Variants in AIRE observed in about 807,000 individuals in gnomAD.
The protein encoded by AIRE is autoimmune polyendocrinopathy candidiasis ectodermal dystrophy protein.
A neutral mutation model predicts 62.1 loss-of-function variants in AIRE; 52 were observed. The ratio of observed to expected loss-of-function variants is 0.84; its 90% CI spans 0.67 to 1.06. The LOEUF is 1.06. Among genes scored for constraint, AIRE ranks in the 50% least tolerant of loss-of-function variants. AIRE has a pLI of 0.00. For missense variants in AIRE, 774 were observed against 755.8 expected (o/e 1.02, Z -0.28); for synonymous variants, 342 against 321.6 (o/e 1.06, Z -0.68).
chr21:44,293,696 G>A, intron 10 of AIRE, 93 bp from the exon 11 acceptor site: 1 of 1,570,674 alleles, frequency 6.4e-7, no homozygotes. Context: ...CCAGCCCTGG[G>A]TGGTCCCAGG....
intron 5 of AIRE, 156 bp downstream of exon 5, chr21:44,288,614 G>A (rs1161526152): frequency 1.6e-6 from 1 of 622,376 alleles, no homozygotes; most frequent in East Asian, 2.8e-5. Context: ...GACTTTGGAG[G>A]AGGAGGGTGA....
chr21:44,287,538 C>T lies in AIRE; in HGVS notation c.485C>T (p.Pro162Leu), dbSNP rs138949170. Residue 162 changes from proline (P) to leucine (L), a missense_variant, in exon 4 of 14, where the codon CCC (proline) becomes CTC (leucine). Physicochemically the swap from Pro to Leu is moderately conservative, Grantham distance 98. Around this residue, in one of 3 missense-constraint regions of AIRE, gnomAD observed 385 missense variants for 396.0 expected, o/e 0.97. Transcript: ENST00000291582. The surrounding 1 kb of genome is among the most constrained non-coding windows in gnomAD (Gnocchi z 4.3). ...TCAGGCTCTCAACTGAAGGCCAAGC[C>T]CCCCAAGAAGCCGGAGAGCAGCGCA... ...ASPGSQLKAKPPKKPESSAEQ... is the reference protein window; with the variant it reads ...ASPGSQLKAKLPKKPESSAEQ... 2.0e-4 allele frequency: 315 copies of T among 1,558,190 alleles called. No individual in the cohort carries two copies. Among genetic ancestry groups the T allele is most frequent in the Non-Finnish European group, 2.6e-4 (295 of 1,151,202 alleles).
At chr21:44,294,598 G>T (rs2040586670) in intron 12 of AIRE, 95 bp downstream of exon 12, 3 of 581,464 alleles carry the variant, frequency 5.2e-6, no homozygotes, top group South Asian at 6.5e-5. Context: ...GCAGACCCTG[G>T]GTGCCAGCTT....
At position 44,285,988 on chromosome 21, in the gene AIRE, G is replaced by T. The variant is rs930535770; in HGVS notation, c.-19G>T. ...GACCCACCGCGTCCGCCCCAGCCCC[G>T]GGTCCCCGCGCCCACCCCATGGCGA... On this transcript the variant is annotated 5_prime_UTR_variant, in exon 1 of 14. Transcript: ENST00000291582. 1.3e-6 allele frequency: 2 copies of T among 1,524,436 alleles called. No homozygotes were observed. The highest frequency in any genetic ancestry group is 1.8e-6 in the Non-Finnish European group (2 of 1,140,984). 94.4% of individuals were successfully genotyped at this position (1,524,436 alleles called of 1,614,324 possible). A position where few individuals can be genotyped will look rare whatever the true frequency, so the allele number is the denominator to read the frequency against.
intron 11 of AIRE, 40 bp downstream of exon 11, chr21:44,293,950 C>A: frequency 6.3e-7 from 1 of 1,592,280 alleles, no homozygotes; most frequent in South Asian, 1.1e-5. Flanking sequence ...GAACCCACAC[C>A]CACACCCTAC....
chr21:44,289,522 G>T, intron 5 of AIRE, 135 bp from the exon 6 acceptor site: 1 of 1,279,530 alleles, frequency 7.8e-7, no homozygotes. Context: ...CTCGACTGGG[G>T]TGGGGGCGGG....
Position 44,286,070 on chromosome 21 carries a change from G to A in AIRE, c.64G>A (p.Val22Met), listed in dbSNP as rs773373725. ...RLHRTEIAVA[V>M]DSAFPLLHAL... The stretch of plus-strand genomic sequence containing the variant: ...GCACCGCACGGAGATCGCGGTGGCC[G>A]TGGACAGCGCCTTCCCACTGCTGCA... The change falls in exon 1 of 14, where the codon GTG becomes ATG. Residue 22 changes from valine (V) to methionine (M), a missense_variant. By Grantham distance (21) the Val-to-Met change is conservative (BLOSUM62 1). Coordinates refer to ENST00000291582, the MANE Select transcript of AIRE (RefSeq NM_000383.4). This position sits in a 1 kb window ranked among gnomAD's most constrained non-coding sequence, Gnocchi z 6.0. The A allele has an allele frequency of 1.0e-5, 16 of 1,543,244 alleles. No individual in the cohort carries two copies. The South Asian group carries it at 1.7e-4, about 16-fold the overall frequency.
rs371876095 is a variant in AIRE at position 44,294,435 on chromosome 21, G to C, written c.1435G>C (p.Val479Leu). 2 of 1,577,554 alleles carry C rather than the reference G, an allele frequency of 1.3e-6. No individual in the cohort carries two copies. The highest frequency in any genetic ancestry group is 1.1e-5 in the South Asian group (1 of 87,094). Residue 479 changes from valine to leucine, a missense_variant, in exon 12 of 14, where the codon GTG becomes CTG. This residue lies in a region of AIRE where 354 missense variants were observed against 296.1 expected (regional missense o/e 1.20). Transcript: ENST00000291582. ...GLRCRSCSGDVTPAPVEGVLA... is the reference protein window; with the variant it reads ...GLRCRSCSGDLTPAPVEGVLA... Reference sequence around the variant, plus strand: ...GCGCTGCAGATCCTGCTCAGGAGACGTGACCCCAGCCCCTGTGGAGGGGGT... The same window carrying C: ...GCGCTGCAGATCCTGCTCAGGAGACCTGACCCCAGCCCCTGTGGAGGGGGT...
chr21:44,288,521 A>C (rs1279213108), intron 5 of AIRE, 63 bp downstream of exon 5: 3 of 1,250,252 alleles, frequency 2.4e-6, no homozygotes, highest in Non-Finnish European at 3.5e-6. Context: ...TGGAAGGAGG[A>C]CCACGCCCCT....
rs1463543022 is a variant in AIRE at position 44,287,806 on chromosome 21, C to T, written c.538+215C>T. On this transcript the variant is annotated intron_variant, in intron 4 of 13. Transcript: ENST00000291582. This position sits in a 1 kb window ranked among gnomAD's most constrained non-coding sequence, Gnocchi z 4.3. ...TTGCCAGTCGCCCCTGCCCCCACTG[C>T]ACCCTGGTTCTGGGACCCCCTTCTC... is the stretch of plus-strand genomic sequence containing the variant. Among the ~76,000 whole-genome samples the T allele has an allele frequency of 3.9e-5, 6 of 152,140 alleles. No homozygotes were observed. Among genetic ancestry groups the T allele is most frequent in the Admixed American group, 2.6e-4 (4 of 15,284 alleles).
intron 5 of AIRE, 26 bp from the exon 6 acceptor site, chr21:44,289,631 C>A: frequency 6.2e-7 from 1 of 1,612,534 alleles, no homozygotes; most frequent in Non-Finnish European, 8.5e-7. Flanking sequence ...GCGGGTGAGC[C>A]AGGACCAGCC....
chr21:44,289,669 A>G lies in AIRE; in HGVS notation c.665A>G (p.Lys222Arg), dbSNP rs1379445080. Residue 222 changes from lysine (K) to arginine (R), a missense_variant, in exon 6 of 14, where the codon AAG (lysine) becomes AGG (arginine). Around this residue, in one of 3 missense-constraint regions of AIRE, gnomAD observed 385 missense variants for 396.0 expected, o/e 0.97. Coordinates refer to ENST00000291582, the MANE Select transcript of AIRE (RefSeq NM_000383.4). ...QQVFESGGSK[K>R]CIQVGGEFYT... The stretch of plus-strand genomic sequence containing the variant: ...CATCTCCTCCCAGGCGGCTCCAAGA[A>G]GTGCATCCAGGTTGGCGGGGAGTTC... 1 of 1,612,420 alleles carries G rather than the reference A, an allele frequency of 6.2e-7. No homozygotes were observed. Among genetic ancestry groups the G allele is most frequent in the Admixed American group, 1.7e-5 (1 of 59,986 alleles).
In AIRE at chr21:44,293,129, C is replaced by T. The variant is rs768086611; in HGVS notation, c.1232C>T (p.Ser411Phe). The change falls in exon 10 of 14, where the codon TCC (serine) becomes TTC (phenylalanine). Residue 411 changes from serine (S) to phenylalanine (F), a missense_variant. Coordinates refer to ENST00000291582, the MANE Select transcript of AIRE (RefSeq NM_000383.4). ...PSAAPLPGLD[S>F]SALHPLLCVG... ...GCAGCCCCGCTGCCAGGGCTGGACT[C>T]CTCGGCCCTGCACCCCCTACTGTGT... 45 of 1,593,792 alleles carry T rather than the reference C, an allele frequency of 2.8e-5. No individual in the cohort carries two copies. Among genetic ancestry groups the T allele is most frequent in the Non-Finnish European group, 2.7e-5 (32 of 1,170,948 alleles).
Position 44,297,695 on chromosome 21 carries a change from A to C in AIRE, c.1606A>C (p.Met536Leu). Residue 536 changes from methionine (M) to leucine (L), a missense_variant, in exon 14 of 14, where the codon ATG becomes CTG. Around this residue, in one of 3 missense-constraint regions of AIRE, gnomAD observed 354 missense variants for 296.1 expected, o/e 1.20. Transcript: ENST00000291582. This position sits in a 1 kb window ranked among gnomAD's most constrained non-coding sequence, Gnocchi z 4.8. ...DGILQWAIQSMARPAAPFPS is the reference protein window; with the variant it reads ...DGILQWAIQSLARPAAPFPS ...CATCCTGCAGTGGGCCATCCAGAGC[A>C]TGGCCCGTCCGGCGGCCCCCTTCCC... 2.5e-6 allele frequency: 4 copies of C among 1,612,538 alleles called. No individual in the cohort carries two copies. Among genetic ancestry groups the C allele is most frequent in the Non-Finnish European group, 3.4e-6 (4 of 1,179,878 alleles).
chr21:44,296,268 G>GA, intron 12 of AIRE, 115 bp from the exon 13 acceptor site: 2 of 981,878 alleles, frequency 2.0e-6, no homozygotes, highest in South Asian at 2.6e-5. Flanking sequence ...CTGGGTGTAA[G>GA]AATTCCCATC....
Position 44,288,436 on chromosome 21 carries a change from C to A in AIRE, c.630C>A (p.Leu210=), listed in dbSNP as rs2040503757. The A allele has an allele frequency of 1.2e-6, 2 of 1,609,446 alleles. No homozygotes were observed. The highest frequency in any genetic ancestry group is 2.2e-5 in the South Asian group (2 of 91,018). ...PGARGAVEGI[L]IQQVFESGGS... The stretch of plus-strand genomic sequence containing the variant: ...CCCGAGGGGCCGTGGAGGGGATCCT[C>A]ATCCAGCAGGTGTTTGAGTCAGGTA... Residue 210 remains leucine, a synonymous_variant, in exon 5 of 14, where the codon CTC becomes CTA. Coordinates refer to ENST00000291582, the MANE Select transcript of AIRE (RefSeq NM_000383.4).
chr21:44,289,336 T>C (rs1298898102), intron 5 of AIRE: 3 of 388,998 alleles, frequency 7.7e-6, no homozygotes, highest in Non-Finnish European at 1.4e-5. Flanking sequence ...GTGTCCTCTT[T>C]ATAAGGACAC....
rs573019156 is a variant in AIRE, at chr21:44,287,666, G to A, written c.538+75G>A. 1.8e-5 allele frequency: 25 copies of A among 1,420,992 alleles called. No homozygotes were observed. In the African/African-American group the frequency reaches 3.0e-4, roughly 17 times the overall value. The allele number at this position is 1,420,992 out of a possible 1,614,324, so 88.0% of individuals were successfully genotyped here. A position where few individuals can be genotyped will look rare whatever the true frequency, so the allele number is the denominator to read the frequency against. On this transcript the variant is annotated intron_variant, in intron 4 of 13. Coordinates refer to ENST00000291582, the MANE Select transcript of AIRE (RefSeq NM_000383.4). The surrounding 1 kb of genome is among the most constrained non-coding windows in gnomAD (Gnocchi z 4.3). ...GGGGTCAGGGGTCAGAGCAGGGCCTGCCCTCTGAGACCCTGTCCTAGGGGC... is the reference window on the plus strand; with the variant it reads ...GGGGTCAGGGGTCAGAGCAGGGCCTACCCTCTGAGACCCTGTCCTAGGGGC...
chr21:44,286,268 C>A lies in AIRE; in HGVS notation c.132+130C>A. ...CCAGCCTTCCCCAACTCCCTCCCCA[C>A]AAGGAGCCAGGGGCGTCCCTGATGA... On this transcript the variant is annotated intron_variant, in intron 1 of 13. Transcript: ENST00000291582. This position sits in a 1 kb window ranked among gnomAD's most constrained non-coding sequence, Gnocchi z 6.0. 1.8e-6 allele frequency: 2 copies of A among 1,110,322 alleles called. No homozygotes were observed. The highest frequency in any genetic ancestry group is 2.6e-6 in the Non-Finnish European group (2 of 772,878). The allele number at this position is 1,110,322 out of a possible 1,614,324, so 68.8% of individuals were successfully genotyped here.
Sources: gnomAD v4.1 joint callset for allele counts (sites outside exome capture counted in the v4.1 genomes callset) on GRCh38, gnomAD v4.1.1 for gene constraint, gnomAD v4.1.1 regional missense constraint, Gnocchi (gnomAD v3.1) non-coding constraint, MANE v1.5 for transcripts, NCBI Gene and HGNC (gene_info 2026-07-23, HGNC 2026-07-21) for gene names.